PGR: variants seen among roughly 807,000 people sequenced by gnomAD.
PGR encodes the protein progesterone receptor.
In PGR, 25 loss-of-function variants were observed where a neutral mutation model predicts 76.1. That is an observed-to-expected ratio of 0.33 (90% CI 0.24 to 0.46). The LOEUF (loss-of-function observed/expected upper bound fraction) is 0.46. PGR is among the 20% of genes least tolerant of loss of function. The pLI is 1.00. For synonymous variants in PGR, 579 were observed against 535.0 expected, an observed-to-expected ratio of 1.08 and a Z score of -1.14; for missense variants, 1,172 against 1,225.3, an observed-to-expected ratio of 0.96 and a Z score of 0.65.
At chr11:101,127,331 G>C (rs1862872815) in intron 1 of PGR, 103 bp downstream of exon 1, 1 of 842,436 alleles carries the variant, frequency 1.2e-6, no homozygotes, top group Admixed American at 3.9e-5. Flanking sequence ...GCCCCGGGGA[G>C]CGCAGCGGTG....
chr11:101,127,210 A>G (rs1862867360), intron 1 of PGR: 1 of 374,284 alleles, frequency 2.7e-6, no homozygotes, highest in Non-Finnish European at 4.8e-6. Flanking sequence ...GCACGCCCCA[A>G]AAATAGTATA....
At chr11:101,069,544 T>G (rs201562136) in intron 3 of PGR, among the ~76,000 whole-genome samples, 1 of 113,010 alleles carries the variant, frequency 8.8e-6, no homozygotes, top group East Asian at 4.2e-3. Context: ...CATTGTACCA[T>G]AAGACACATG....
intron 3 of PGR, among the ~76,000 whole-genome samples, chr11:101,078,438 A>G (rs2135435492): frequency 6.6e-6 from 1 of 152,328 alleles, no homozygotes; most frequent in South Asian, 2.1e-4. Flanking sequence ...CAACTGCAAA[A>G]TATAAAGCTG....
chr11:101,058,771 A>T lies in PGR; in HGVS notation c.2212+3676T>A, dbSNP rs570401845. Among the ~76,000 whole-genome samples the T allele has an allele frequency of 4.6e-5, 7 of 152,322 alleles. No homozygotes were observed. In the South Asian group the frequency reaches 1.5e-3, roughly 32 times the overall value. On this transcript the variant is annotated intron_variant, in intron 4 of 7. Coordinates refer to ENST00000325455, the MANE Select transcript of PGR (RefSeq NM_000926.4). ...TAGTACTTTTAATTTAAACTCTAAC[A>T]TCTACAGTAATTTTTAAGACCCTCC...
chr11:101,127,654 C>T lies in PGR; in HGVS notation c.1417G>A (p.Gly473Ser), dbSNP rs1210494568. 5 of 1,499,262 alleles carry T rather than the reference C, an allele frequency of 3.3e-6. No homozygotes were observed. The highest frequency in any genetic ancestry group is 2.7e-5 in the East Asian group (1 of 37,718). 92.9% of individuals were successfully genotyped at this position (1,499,262 alleles called of 1,614,324 possible). Residue 473 changes from glycine (G) to serine (S), a missense_variant, in exon 1 of 8, where the codon GGC becomes AGC. Transcript: ENST00000325455. ...YKAEGAPPQQ[G>S]PFAPPPCKAP... ...TTGCAGGGCGGCGGCGCGAACGGGC[C>T]CTGCTGGGGCGGCGCGCCCTCCGCT...
chr11:101,128,676 G>T lies in PGR; in HGVS notation c.395C>A (p.Pro132His), dbSNP rs1269921731. ...CCAAGAGCTGGTGACCTCGCAGGCG[G>T]GAGGGCTGGGTTGGCTCTGCCCGGG... The part of the protein sequence containing the change: ...SGPGQSQPSP[P>H]ACEVTSSWCL... Residue 132 changes from proline (P) to histidine (H), a missense_variant, in exon 1 of 8, where the codon CCC becomes CAC. This residue lies in a region of PGR where 893 missense variants were observed against 785.9 expected (regional missense o/e 1.14). Transcript: ENST00000325455. 1.9e-6 allele frequency: 3 copies of T among 1,599,406 alleles called. No individual in the cohort carries two copies. The highest frequency in any genetic ancestry group is 3.5e-5 in the Admixed American group (2 of 57,946).
chr11:101,073,039 T>A (rs12277090), intron 3 of PGR, among the ~76,000 whole-genome samples: 1 of 152,104 alleles, frequency 6.6e-6, no homozygotes, highest in Admixed American at 6.6e-5. Flanking sequence ...CAGCACCACA[T>A]TGCACTTATT....
At chr11:101,056,033 C>T (rs1860276097) in intron 4 of PGR, among the ~76,000 whole-genome samples, 1 of 152,052 alleles carries the variant, frequency 6.6e-6, no homozygotes, top group South Asian at 2.1e-4. Flanking sequence ...CTTGAACATG[C>T]CTAGTATAGA....
intron 3 of PGR, among the ~76,000 whole-genome samples, chr11:101,064,430 G>A (rs547452481): frequency 1.4e-5 from 2 of 146,026 alleles, no homozygotes; most frequent in African/African-American, 5.1e-5. Context: ...CAATTGCCAT[G>A]GTTAAAAAAC....
intron 3 of PGR, 85 bp from the exon 4 acceptor site, chr11:101,062,837 A>G: frequency 1.1e-6 from 1 of 886,784 alleles, no homozygotes; most frequent in African/African-American, 1.7e-5. Context: ...AAGTCTTAGA[A>G]TCATAGCATT....
At chr11:101,101,690 T>C (rs1355741118) in intron 2 of PGR, among the ~76,000 whole-genome samples, 1 of 152,192 alleles carries the variant, frequency 6.6e-6, no homozygotes, top group Non-Finnish European at 1.5e-5. Flanking sequence ...GATATGAGAA[T>C]CCAGCTGTCT....
intron 4 of PGR, among the ~76,000 whole-genome samples, chr11:101,053,732 CTTTCTTCCTTTCCTCTT>C (rs1471314482): frequency 6.6e-6 from 1 of 150,460 alleles, no homozygotes; most frequent in Non-Finnish European, 1.5e-5. Flanking sequence ...CCTTCCCTCT[CTTTCTTCCTTTCCTCTT>C]TTTCCTCCTC....
At chr11:101,099,413 A>G (rs2135467893) in intron 2 of PGR, among the ~76,000 whole-genome samples, 1 of 152,278 alleles carries the variant, frequency 6.6e-6, no homozygotes. Context: ...GAATGATTGG[A>G]AGGGGCAAAA....
rs528441377 is a variant in PGR at position 101,038,662 on chromosome 11, G to A, written c.*454C>T. ...TTTCCTCCTCACACAAATATATATA[G>A]ACAAAATTTTGCATACCATTTTAAA... On this transcript the variant is annotated 3_prime_UTR_variant, in exon 8 of 8. Coordinates refer to ENST00000325455, the MANE Select transcript of PGR (RefSeq NM_000926.4). 7.3e-5 allele frequency: 17 copies of A among 231,504 alleles called. No homozygotes were observed. The highest frequency in any genetic ancestry group is 3.5e-4 in the African/African-American group (16 of 45,200). 14.3% of individuals were successfully genotyped at this position (231,504 alleles called of 1,614,324 possible). A position where few individuals can be genotyped will look rare whatever the true frequency, so the allele number is the denominator to read the frequency against.
Position 101,128,390 on chromosome 11 carries a change from A to G in PGR, c.681T>C (p.Ser227=). Residue 227 remains serine (S), a synonymous_variant, in exon 1 of 8, where the codon TCT becomes TCC. Transcript: ENST00000325455. ...GCGGACCCGCAGACTCCTCGGACTCAGAGCCATCCTCCTCCTCAACCTCCA... is the reference window on the plus strand; with the variant it reads ...GCGGACCCGCAGACTCCTCGGACTCGGAGCCATCCTCCTCCTCAACCTCCA... ...AAVEVEEEDG[S]ESEESAGPLL... 2 of 1,609,718 alleles carry G rather than the reference A, an allele frequency of 1.2e-6. No individual in the cohort carries two copies. Among genetic ancestry groups the G allele is most frequent in the Non-Finnish European group, 8.5e-7 (1 of 1,179,816 alleles).
intron 6 of PGR, 101 bp from the exon 7 acceptor site, chr11:101,042,203 ATGACTCT>A: frequency 1.6e-6 from 2 of 1,225,366 alleles, no homozygotes; most frequent in Admixed American, 2.0e-5. Context: ...CTTCTGATAC[ATGACTCT>A]AGAAAAAAAA....
chr11:101,059,267 C>T (rs1378898707), intron 4 of PGR, among the ~76,000 whole-genome samples: 1 of 152,050 alleles, frequency 6.6e-6, no homozygotes, highest in Admixed American at 6.6e-5. Flanking sequence ...TCCCCACTTT[C>T]ATTATATCTG....
At chr11:101,044,069 C>T (rs1047449198) in intron 6 of PGR, among the ~76,000 whole-genome samples, 5 of 152,200 alleles carry the variant, frequency 3.3e-5, no homozygotes, top group Admixed American at 2.6e-4. Context: ...TGAAGACAGA[C>T]ATTGACTTGT....
chr11:101,121,085 C>T (rs1643327015), intron 2 of PGR, among the ~76,000 whole-genome samples: 1 of 152,112 alleles, frequency 6.6e-6, no homozygotes, highest in African/African-American at 2.4e-5. Context: ...CTATCATTAT[C>T]CATGCTAAAT....
Sources: allele counts gnomAD v4.1 joint callset (sites outside exome capture counted in the v4.1 genomes callset), GRCh38; gene constraint gnomAD v4.1.1; regional missense constraint gnomAD v4.1.1; transcripts MANE v1.5; gene names NCBI Gene and HGNC (gene_info 2026-07-23, HGNC 2026-07-21).